Variants in TRPV3 observed in about 807,000 individuals in gnomAD.
TRPV3 encodes the protein VRL-3.
In TRPV3, 88 loss-of-function variants were observed where a neutral mutation model predicts 87.1. The ratio of observed to expected loss-of-function variants is 1.01; its 90% CI spans 0.85 to 1.21. The LOEUF is 1.21. Ranked by LOEUF, TRPV3 falls within the 50% of genes most tolerant of loss-of-function variation. TRPV3 has a pLI of 0.00. For missense variants in TRPV3, 1,054 were observed against 1,030.1 expected (o/e 1.02, Z -0.32); for synonymous variants, 438 against 423.3 (o/e 1.03, Z -0.43).
At chr17:3,551,870 CTTTTTTTTTTTTTT>C (rs747932928) in intron 2 of TRPV3, among the ~76,000 whole-genome samples, 9 of 43,360 alleles carry the variant, frequency 2.1e-4, no homozygotes, top group East Asian at 1.6e-3. Flanking sequence ...GTAATTTATT[CTTTTTTTTTTTTTT>C]TTTTTTTTTT....
At position 3,546,767 on chromosome 17, in the gene TRPV3, C is replaced by A. The variant is rs147265433; in HGVS notation, c.120-1496G>T. Reference sequence around the variant, plus strand: ...TCAAAGTGGGCAGATCAGTTGAGGTCAGGAGTTTGAGGCCAATGCGGCAAA... The same window carrying A: ...TCAAAGTGGGCAGATCAGTTGAGGTAAGGAGTTTGAGGCCAATGCGGCAAA... On this transcript the variant is annotated intron_variant, in intron 2 of 17. Coordinates refer to ENST00000576742, the MANE Select transcript of TRPV3 (RefSeq NM_145068.4). 444 of 423,762 alleles carry A rather than the reference C, an allele frequency of 1.0e-3. 3 individuals carry two copies. Among genetic ancestry groups the A allele is most frequent in the African/African-American group, 9.1e-3 (426 of 46,702 alleles). 26.3% of individuals were successfully genotyped at this position (423,762 alleles called of 1,614,324 possible).
chr17:3,529,109 C>T, intron 9 of TRPV3, 114 bp from the exon 10 acceptor site: 4 of 1,192,254 alleles, frequency 3.4e-6, no homozygotes, highest in Non-Finnish European at 4.9e-6. Flanking sequence ...CATCATTATG[C>T]CCGATGGACT....
chr17:3,551,307 A>G (rs1321279776), intron 2 of TRPV3, among the ~76,000 whole-genome samples: 1 of 152,182 alleles, frequency 6.6e-6, no homozygotes, highest in Non-Finnish European at 1.5e-5. Context: ...TAGACCGTGA[A>G]GGTCTGTCCT....
intron 6 of TRPV3, among the ~76,000 whole-genome samples, chr17:3,537,731 C>G (rs1330002032): frequency 6.6e-6 from 1 of 151,238 alleles, no homozygotes; most frequent in African/African-American, 2.4e-5. Flanking sequence ...TGGAGAAACC[C>G]CATCTCTACT....
In TRPV3 at chr17:3,513,886, C is replaced by A; in HGVS notation, c.*31G>T. On this transcript the variant is annotated 3_prime_UTR_variant, in exon 18 of 18. Coordinates refer to ENST00000576742, the MANE Select transcript of TRPV3 (RefSeq NM_145068.4). The stretch of plus-strand genomic sequence containing the variant: ...TGACTCCGCCTGCAGCGCCAGACAG[C>A]GCACGCGCACACCAGCTCTGGGTTC... 6.3e-7 allele frequency: 1 copy of A among 1,576,812 alleles called. No individual in the cohort carries two copies. The highest frequency in any genetic ancestry group is 8.7e-7 in the Non-Finnish European group (1 of 1,146,740).
At chr17:3,533,377 A>G (rs1483957152) in intron 7 of TRPV3, among the ~76,000 whole-genome samples, 1 of 150,672 alleles carries the variant, frequency 6.6e-6, no homozygotes, top group Non-Finnish European at 1.5e-5. Context: ...TTTCTCCCTC[A>G]CCTCCTTCAA....
intron 13 of TRPV3, among the ~76,000 whole-genome samples, chr17:3,523,587 G>A (rs996147902): frequency 2.0e-5 from 3 of 151,924 alleles, no homozygotes; most frequent in Non-Finnish European, 2.9e-5. Flanking sequence ...ACATGGTGGT[G>A]CGTGCCTGTG....
chr17:3,513,932 C>A lies in TRPV3; in HGVS notation c.2358G>T (p.Pro786=), dbSNP rs75372730. The change falls in exon 18 of 18, where the codon CCG becomes CCT. Residue 786 remains proline (P), a synonymous_variant. Coordinates refer to ENST00000576742, the MANE Select transcript of TRPV3 (RefSeq NM_145068.4). ...GGTTCCGCTTCTACACCGAGGTTTC[C>A]GGGAATTCCTCGACTTCTTCAAATG... ...LNAFEEVEEF[P]ETSV The A allele has an allele frequency of 3.0e-3, 4,793 of 1,614,102 alleles. 11 individuals are homozygous for A. The highest frequency in any genetic ancestry group is 3.4e-3 in the Non-Finnish European group (3,966 of 1,179,964).
At position 3,556,653 on chromosome 17, in the gene TRPV3, C is replaced by T. The variant is rs567897453; in HGVS notation, c.-3+1023G>A. The stretch of plus-strand genomic sequence containing the variant: ...AGGCTGGAGAGAGTCCCCCGCCCTC[C>T]AACTCAAAGGGAGCAGGCTCAGGAT... On this transcript the variant is annotated intron_variant, in intron 1 of 17. Coordinates refer to ENST00000576742, the MANE Select transcript of TRPV3 (RefSeq NM_145068.4). The surrounding 1 kb of genome is among the most constrained non-coding windows in gnomAD (Gnocchi z 4.2). 6.6e-6 allele frequency among the ~76,000 whole-genome samples: 1 copy of T among 152,266 alleles called. No homozygotes were observed. The highest frequency in any genetic ancestry group is 6.5e-5 in the Admixed American group (1 of 15,304).
Position 3,545,408 on chromosome 17 carries a change from C to G in TRPV3, c.120-137G>C, listed in dbSNP as rs1175826724. 5 of 596,634 alleles carry G rather than the reference C, an allele frequency of 8.4e-6. No individual in the cohort carries two copies. In the Admixed American group the frequency reaches 1.6e-4, roughly 19 times the overall value. The allele number at this position is 596,634 out of a possible 1,614,324, so 37.0% of individuals were successfully genotyped here. On this transcript the variant is annotated intron_variant, in intron 2 of 17. Transcript: ENST00000576742. ...AGCTCTGAGCCCAAATGGCCTTGCC[C>G]AGCCCTCCCGGGAGCCCTCGGAGAT... is the stretch of plus-strand genomic sequence containing the variant.
chr17:3,556,371 GA>G lies in TRPV3; in HGVS notation c.-3+1304del, dbSNP rs941193383. Among the ~76,000 whole-genome samples, 1 of 151,448 alleles carries G rather than the reference GA, an allele frequency of 6.6e-6. No individual in the cohort carries two copies. The highest frequency in any genetic ancestry group is 2.4e-5 in the African/African-American group (1 of 41,160). ...CTGCTGCAGGGGCCATAGGGACGGG[GA>G]AGGGGGCCAGCTGGCCACAGAGGGA... On this transcript the variant is annotated intron_variant, in intron 1 of 17. Coordinates refer to ENST00000576742, the MANE Select transcript of TRPV3 (RefSeq NM_145068.4). The surrounding 1 kb of genome is among the most constrained non-coding windows in gnomAD (Gnocchi z 4.2).
At chr17:3,540,719 G>A (rs1489676326) in intron 6 of TRPV3, among the ~76,000 whole-genome samples, 3 of 152,212 alleles carry the variant, frequency 2.0e-5, no homozygotes, top group African/African-American at 7.2e-5. Context: ...ATACAAAGGG[G>A]ACTGAAAAGG....
intron 16 of TRPV3, 42 bp downstream of exon 16, chr17:3,516,415 A>C (rs2074183785): frequency 1.3e-6 from 2 of 1,513,180 alleles, no homozygotes; most frequent in African/African-American, 1.4e-5. Flanking sequence ...CTCTCTACCC[A>C]CCCCAAAGAC....
intron 2 of TRPV3, among the ~76,000 whole-genome samples, chr17:3,551,551 TG>T (rs1294319910): frequency 8.5e-5 from 13 of 152,248 alleles, no homozygotes; most frequent in African/African-American, 3.1e-4. Context: ...GAACTGTCCC[TG>T]AACAGCCCAG....
At chr17:3,548,541 C>T (rs1283145313) in intron 2 of TRPV3, among the ~76,000 whole-genome samples, 1 of 152,184 alleles carries the variant, frequency 6.6e-6, no homozygotes, top group Middle Eastern at 3.2e-3. Flanking sequence ...AGAGAGACCC[C>T]GGGCTTTCCC....
Position 3,532,751 on chromosome 17 carries a change from A to T in TRPV3, c.971T>A (p.Ile324Asn). ...CTCCCAGTTGCCACTCCGCAGTAGG[A>T]TCATGTCGTACATGCGCTTCACAAA... Reference protein sequence around the residue: ...NDFVKRMYDMILLRSGNWELE... With the variant: ...NDFVKRMYDMNLLRSGNWELE... The change falls in exon 8 of 18, where the codon ATC becomes AAC. Residue 324 changes from isoleucine to asparagine, a missense_variant. Transcript: ENST00000576742. The T allele has an allele frequency of 6.2e-7, 1 of 1,614,246 alleles. No individual in the cohort carries two copies. Among genetic ancestry groups the T allele is most frequent in the Non-Finnish European group, 8.5e-7 (1 of 1,180,046 alleles).
Position 3,524,269 on chromosome 17 carries a change from C to T in TRPV3, c.1672G>A (p.Gly558Ser). ...LACLVLAMAL[G>S]WANMLYYTRG... ...GTATAGTAGAGCATGTTCGCCCAGC[C>T]CAGGGCCATGGCCAGCACGAGGCAG... is the stretch of plus-strand genomic sequence containing the variant. Residue 558 changes from glycine to serine, a missense_variant, in exon 13 of 18, where the codon GGC becomes AGC. Coordinates refer to ENST00000576742, the MANE Select transcript of TRPV3 (RefSeq NM_145068.4). 6.2e-7 allele frequency: 1 copy of T among 1,614,230 alleles called. No individual in the cohort carries two copies. The highest frequency in any genetic ancestry group is 2.2e-5 in the East Asian group (1 of 44,890).
chr17:3,531,665 C>T (rs436591), intron 8 of TRPV3, among the ~76,000 whole-genome samples: 53,122 of 152,080 alleles, frequency 0.35, 11,522 homozygotes, highest in Non-Finnish European at 0.48. Flanking sequence ...ACAGGGAAGA[C>T]GGCCTTGGAG....
chr17:3,524,095 C>T (rs2074271735), intron 13 of TRPV3, 103 bp downstream of exon 13: 3 of 1,453,158 alleles, frequency 2.1e-6, no homozygotes, highest in African/African-American at 2.8e-5. Flanking sequence ...AGAGCAGTGA[C>T]CTGCCCCTTG....
Sources: gnomAD v4.1 joint callset for allele counts (sites outside exome capture counted in the v4.1 genomes callset) on GRCh38, gnomAD v4.1.1 for gene constraint, Gnocchi (gnomAD v3.1) non-coding constraint, MANE v1.5 for transcripts, NCBI Gene and HGNC (gene_info 2026-07-23, HGNC 2026-07-21) for gene names.